ZNF462: variants seen among roughly 807,000 people sequenced by gnomAD.
The protein encoded by ZNF462 is zinc finger PBX1-interacting protein.
Under a neutral mutation model 201.9 loss-of-function variants are expected in ZNF462, and 10 were observed. The observed-to-expected ratio is 0.05, with a 90% confidence interval of 0.03 to 0.08. The LOEUF (loss-of-function observed/expected upper bound fraction) is 0.08. Ranked by LOEUF, ZNF462 falls within the 10% of genes least tolerant of loss-of-function variation. The probability of loss-of-function intolerance (pLI) is 1.00; values close to 1 mark genes in which losing one functional copy is unlikely to be tolerated. For missense variants in ZNF462, 2,523 were observed against 3,168.3 expected (o/e 0.80, Z 4.89); for synonymous variants, 1,227 against 1,193.3 (o/e 1.03, Z -0.58).
intron 1 of ZNF462, among the ~76,000 whole-genome samples, chr9:106,893,873 G>T (rs535147284): frequency 2.5e-4 from 38 of 152,284 alleles, no homozygotes; most frequent in Admixed American, 4.6e-4. Context: ...TGTGAACGCA[G>T]GTCAGTTGCG....
intron 1 of ZNF462, among the ~76,000 whole-genome samples, chr9:106,898,613 T>C (rs1828916838): frequency 6.6e-6 from 1 of 152,060 alleles, no homozygotes; most frequent in South Asian, 2.1e-4. Context: ...CACCCCGAGT[T>C]TGAGAAACCC....
chr9:106,872,931 C>T lies in ZNF462; in HGVS notation c.-31+9576C>T, dbSNP rs1827661027. 6.6e-6 allele frequency among the ~76,000 whole-genome samples: 1 copy of T among 152,012 alleles called. No homozygotes were observed. The highest frequency in any genetic ancestry group is 6.5e-5 in the Admixed American group (1 of 15,278). ...TTTAACATTTAATATGAACCAGGGA[C>T]TGTTCATACGGTAGAGGAAACTGAG... On this transcript the variant is annotated intron_variant, in intron 1 of 12. Transcript: ENST00000277225. The surrounding 1 kb of genome is among the most constrained non-coding windows in gnomAD (Gnocchi z 4.5).
chr9:106,868,502 AC>A (rs1417134590), intron 1 of ZNF462, among the ~76,000 whole-genome samples: 1 of 152,234 alleles, frequency 6.6e-6, no homozygotes, highest in Admixed American at 6.5e-5. Context: ...TGCAGAAATT[AC>A]CAAAATTATT....
At chr9:106,992,209 T>C (rs1308475252) in intron 10 of ZNF462, among the ~76,000 whole-genome samples, 1 of 152,026 alleles carries the variant, frequency 6.6e-6, no homozygotes, top group African/African-American at 2.4e-5. Context: ...CCAAAGAAGA[T>C]ATACAAATGG....
intron 10 of ZNF462, among the ~76,000 whole-genome samples, chr9:106,987,325 C>T (rs1269728439): frequency 6.6e-6 from 1 of 151,992 alleles, no homozygotes; most frequent in Non-Finnish European, 1.5e-5. Flanking sequence ...CCAGTATCTA[C>T]TGGATTTTTT....
At position 107,013,232 on chromosome 9, in the gene ZNF462, T is replaced by C. The variant is rs1223533661; in HGVS notation, c.*2202T>C. ...TGTTTTGCTAACCTGTTAATAAAAA[T>C]ATGGGACCATTATCCTTTTAACAAG... On this transcript the variant is annotated 3_prime_UTR_variant, in exon 13 of 13. Coordinates refer to ENST00000277225, the MANE Select transcript of ZNF462 (RefSeq NM_021224.6). 6.6e-6 allele frequency: 1 copy of C among 152,188 alleles called. No homozygotes were observed. Among genetic ancestry groups the C allele is most frequent in the African/African-American group, 2.4e-5 (1 of 41,464 alleles). The allele number at this position is 152,188 out of a possible 1,614,324, so 9.4% of individuals were successfully genotyped here. A position where few individuals can be genotyped will look rare whatever the true frequency, so the allele number is the denominator to read the frequency against.
Position 106,919,238 on chromosome 9 carries a change from G to T in ZNF462, c.-30-4116G>T, listed in dbSNP as rs1016051543. Reference sequence around the variant, plus strand: ...AGAGCAGTGTTTGCCAAGCTGACCTGGACCAAGTGATGGTGGCGGGCCTGT... The same window carrying T: ...AGAGCAGTGTTTGCCAAGCTGACCTTGACCAAGTGATGGTGGCGGGCCTGT... On this transcript the variant is annotated intron_variant, in intron 1 of 12. Transcript: ENST00000277225. This position sits in a 1 kb window ranked among gnomAD's most constrained non-coding sequence, Gnocchi z 4.5. 2.6e-5 allele frequency among the ~76,000 whole-genome samples: 4 copies of T among 152,166 alleles called. No individual in the cohort carries two copies. The highest frequency in any genetic ancestry group is 5.9e-5 in the Non-Finnish European group (4 of 68,032).
rs372023982 is a variant in ZNF462 at position 106,972,281 on chromosome 9, C to T, written c.6695+9C>T. On this transcript the variant is annotated intron_variant, in intron 8 of 12. Transcript: ENST00000277225. The surrounding 1 kb of genome is among the most constrained non-coding windows in gnomAD (Gnocchi z 4.8). The stretch of plus-strand genomic sequence containing the variant: ...TTTTACACAGGCTTTAAGTAAGTGA[C>T]GTAATGAACAGCTATGGAAAACAAG... 4.5e-5 allele frequency: 72 copies of T among 1,611,302 alleles called. No homozygotes were observed. The highest frequency in any genetic ancestry group is 1.7e-4 in the Middle Eastern group (1 of 6,048).
intron 1 of ZNF462, among the ~76,000 whole-genome samples, chr9:106,877,771 G>A (rs892419463): frequency 7.9e-5 from 12 of 152,158 alleles, no homozygotes; most frequent in African/African-American, 2.7e-4. Flanking sequence ...AAAACCTTGT[G>A]TTTATTTACT....
Position 106,962,670 on chromosome 9 carries a change from C to A in ZNF462, c.6428-9335C>A, listed in dbSNP as rs554141386. Among the ~76,000 whole-genome samples the A allele has an allele frequency of 2.6e-4, 40 of 152,104 alleles. No homozygotes were observed. Among genetic ancestry groups the A allele is most frequent in the Admixed American group, 5.2e-4 (8 of 15,248 alleles). The stretch of plus-strand genomic sequence containing the variant: ...TTGTTTTCTCAATCTATTCCCTGAT[C>A]ATATTTCAAGGTTTTGTTTTTACTC... On this transcript the variant is annotated intron_variant, in intron 7 of 12. Coordinates refer to ENST00000277225, the MANE Select transcript of ZNF462 (RefSeq NM_021224.6). This position sits in a 1 kb window ranked among gnomAD's most constrained non-coding sequence, Gnocchi z 4.6.
At chr9:106,904,025 G>T (rs1414200393) in intron 1 of ZNF462, among the ~76,000 whole-genome samples, 1 of 151,932 alleles carries the variant, frequency 6.6e-6, no homozygotes, top group Non-Finnish European at 1.5e-5. Context: ...TTGTTTTATA[G>T]GTCCTGTGTG....
intron 10 of ZNF462, among the ~76,000 whole-genome samples, chr9:106,989,114 C>T (rs956013004): frequency 2.0e-5 from 3 of 152,060 alleles, no homozygotes; most frequent in Non-Finnish European, 4.4e-5. Flanking sequence ...TTGTCTTGTT[C>T]CAGTTCTCAG....
chr9:106,930,191 G>A lies in ZNF462; in HGVS notation c.5848-334G>A, dbSNP rs1254348534. The stretch of plus-strand genomic sequence containing the variant: ...CCAGGAGTAGATTTTATTTTATCAA[G>A]AAGTTCATTAATGGCGCAACTATGC... On this transcript the variant is annotated intron_variant, in intron 3 of 12. Transcript: ENST00000277225. The surrounding 1 kb of genome is among the most constrained non-coding windows in gnomAD (Gnocchi z 5.8). 6.6e-6 allele frequency among the ~76,000 whole-genome samples: 1 copy of A among 152,130 alleles called. No individual in the cohort carries two copies. The highest frequency in any genetic ancestry group is 1.5e-5 in the Non-Finnish European group (1 of 68,026).
In ZNF462 at chr9:106,972,722, G is replaced by A. The variant is rs929730546; in HGVS notation, c.6695+450G>A. 6.6e-6 allele frequency among the ~76,000 whole-genome samples: 1 copy of A among 152,122 alleles called. No individual in the cohort carries two copies. The highest frequency in any genetic ancestry group is 6.5e-5 in the Admixed American group (1 of 15,274). ...CTTTAATTCTTAAGATCGTAGTATT[G>A]AAAGACACATAGAGAATCAAGACCC... is the stretch of plus-strand genomic sequence containing the variant. On this transcript the variant is annotated intron_variant, in intron 8 of 12. Coordinates refer to ENST00000277225, the MANE Select transcript of ZNF462 (RefSeq NM_021224.6). This position sits in a 1 kb window ranked among gnomAD's most constrained non-coding sequence, Gnocchi z 4.8.
Position 106,880,201 on chromosome 9 carries a change from A to G in ZNF462, c.-31+16846A>G, listed in dbSNP as rs183976954. ...TCTCTTGAATGAATACTTGCCTCAG[A>G]TGCTGATCAGTGGAAGCACTGCAAA... On this transcript the variant is annotated intron_variant, in intron 1 of 12. Transcript: ENST00000277225. The surrounding 1 kb of genome is among the most constrained non-coding windows in gnomAD (Gnocchi z 4.1). 1.3e-5 allele frequency among the ~76,000 whole-genome samples: 2 copies of G among 152,070 alleles called. No homozygotes were observed. The highest frequency in any genetic ancestry group is 2.9e-5 in the Non-Finnish European group (2 of 68,008).
At chr9:106,871,805 A>G (rs1162345580) in intron 1 of ZNF462, among the ~76,000 whole-genome samples, 1 of 152,228 alleles carries the variant, frequency 6.6e-6, no homozygotes, top group Non-Finnish European at 1.5e-5. Context: ...GCACAGCAGA[A>G]AACAGCTGCA....
At chr9:106,891,020 T>C (rs776428006) in intron 1 of ZNF462, among the ~76,000 whole-genome samples, 5 of 152,214 alleles carry the variant, frequency 3.3e-5, no homozygotes, top group Admixed American at 1.3e-4. Context: ...CAAGGAGATT[T>C]TTAGCTAATT....
chr9:106,869,924 T>TC (rs1827514720), intron 1 of ZNF462, among the ~76,000 whole-genome samples: 2 of 152,148 alleles, frequency 1.3e-5, no homozygotes, highest in South Asian at 4.1e-4. Context: ...ATTTTTTTTT[T>TC]CCCCTTGAAC....
At chr9:106,999,628 C>T (rs1240847126) in intron 10 of ZNF462, among the ~76,000 whole-genome samples, 1 of 152,106 alleles carries the variant, frequency 6.6e-6, no homozygotes, top group Non-Finnish European at 1.5e-5. Flanking sequence ...TGGATATACA[C>T]TTGTTTGTTT....
Sources: gnomAD v4.1 joint callset for allele counts (sites outside exome capture counted in the v4.1 genomes callset) on GRCh38, gnomAD v4.1.1 for gene constraint, Gnocchi (gnomAD v3.1) non-coding constraint, MANE v1.5 for transcripts, NCBI Gene and HGNC (gene_info 2026-07-23, HGNC 2026-07-21) for gene names.